VSTM2B: variants seen among roughly 807,000 people sequenced by gnomAD.
VSTM2B encodes the protein V-set and transmembrane domain-containing protein 2B.
A neutral mutation model predicts 24.0 loss-of-function variants in VSTM2B; 24 were observed. That is an observed-to-expected ratio of 1.00 (90% CI 0.72 to 1.40). The LOEUF is 1.40. Ranked by LOEUF, VSTM2B falls within the 40% of genes most tolerant of loss-of-function variation. The probability of loss-of-function intolerance (pLI) is 0.00; values close to 1 mark genes in which losing one functional copy is unlikely to be tolerated. For synonymous variants in VSTM2B, 226 were observed against 194.4 expected (o/e 1.16, Z -1.35); for missense variants, 399 against 416.4 (o/e 0.96, Z 0.36).
At chr19:29,555,625 GT>G (rs1233637496) in intron 4 of VSTM2B, among the ~76,000 whole-genome samples, 1 of 151,010 alleles carries the variant, frequency 6.6e-6, no homozygotes, top group Non-Finnish European at 1.5e-5. Context: ...CCAGGAGCTA[GT>G]TTTTTGAAAA....
At chr19:29,529,056 G>T (rs1046789041) in intron 3 of VSTM2B, 1 of 985,484 alleles carries the variant, frequency 1.0e-6, no homozygotes, top group African/African-American at 1.7e-5. Context: ...GCGTAGAAAG[G>T]CCTGGAGATG....
chr19:29,563,776 T>TG, intron 4 of VSTM2B, 70 bp from the exon 5 acceptor site: 1 of 1,403,590 alleles, frequency 7.1e-7, no homozygotes, highest in Non-Finnish European at 9.9e-7. Flanking sequence ...TCACTGTTCC[T>TG]GGTCTGCTGT....
At position 29,540,448 on chromosome 19, in the gene VSTM2B, G is replaced by T. The variant is rs535300767; in HGVS notation, c.769+10158G>T. Among the ~76,000 whole-genome samples, 6 of 152,350 alleles carry T rather than the reference G, an allele frequency of 3.9e-5. No homozygotes were observed. The East Asian group carries it at 1.2e-3, about 29-fold the overall frequency. On this transcript the variant is annotated intron_variant, in intron 4 of 4. Coordinates refer to ENST00000335523, the MANE Select transcript of VSTM2B (RefSeq NM_001146339.2). ...AGTTGGGAGAAGACTTCCTGATCCT[G>T]CAGCCAAAGGAGTTTCTTTCATTCT...
chr19:29,527,190 T>A, intron 1 of VSTM2B, 21 bp from the exon 2 acceptor site: 1 of 1,539,854 alleles, frequency 6.5e-7, no homozygotes, highest in African/African-American at 1.4e-5. Flanking sequence ...GTCACGCCTC[T>A]CTCTCTCTCC....
At chr19:29,544,352 C>G (rs1276422936) in intron 4 of VSTM2B, among the ~76,000 whole-genome samples, 2 of 150,662 alleles carry the variant, frequency 1.3e-5, no homozygotes, top group Non-Finnish European at 3.0e-5. Context: ...CGGTGAAACC[C>G]CGTCTCTACT....
chr19:29,530,313 C>G, intron 4 of VSTM2B, 23 bp downstream of exon 4: 1 of 1,475,214 alleles, frequency 6.8e-7, no homozygotes, highest in Admixed American at 2.4e-5. Flanking sequence ...GGAGAGGGGG[C>G]GCACGCGCGG....
chr19:29,528,356 TG>T, intron 2 of VSTM2B, 76 bp from the exon 3 acceptor site: 2 of 1,544,856 alleles, frequency 1.3e-6, no homozygotes, highest in Non-Finnish European at 1.8e-6. Flanking sequence ...AGGGTGCCCT[TG>T]CCTAAAGGCG....
rs184960802 is a variant in VSTM2B at position 29,550,934 on chromosome 19, T to C, written c.770-12912T>C. Among the ~76,000 whole-genome samples the C allele has an allele frequency of 1.0e-3, 152 of 152,012 alleles. No homozygotes were observed. The Middle Eastern group carries it at 0.014, about 14-fold the overall frequency. On this transcript the variant is annotated intron_variant, in intron 4 of 4. Coordinates refer to ENST00000335523, the MANE Select transcript of VSTM2B (RefSeq NM_001146339.2). ...AAGGGACCTGGCCAGGCCCAAAGGATCTCAGCCCCAGTGGAGAGGGCTGCA... is the reference window on the plus strand; with the variant it reads ...AAGGGACCTGGCCAGGCCCAAAGGACCTCAGCCCCAGTGGAGAGGGCTGCA...
intron 4 of VSTM2B, among the ~76,000 whole-genome samples, chr19:29,552,215 C>A (rs1290686736): frequency 1.3e-5 from 2 of 152,232 alleles, no homozygotes; most frequent in Non-Finnish European, 2.9e-5. Flanking sequence ...GGAAGCCAGA[C>A]TTCCTTGGTC....
At chr19:29,563,619 G>C (rs1305757725) in intron 4 of VSTM2B, among the ~76,000 whole-genome samples, 1 of 152,214 alleles carries the variant, frequency 6.6e-6, no homozygotes, top group Non-Finnish European at 1.5e-5. Context: ...CCAGGCGCTT[G>C]TGTCTGATCT....
intron 2 of VSTM2B, 66 bp downstream of exon 2, chr19:29,527,461 C>CGGGGCGGCG: frequency 1.0e-5 from 14 of 1,367,782 alleles, no homozygotes; most frequent in African/African-American, 1.5e-5. Flanking sequence ...AAGGCTAACC[C>CGGGGCGGCG]AGGGAGGGAA....
At chr19:29,551,662 A>C (rs772811170) in intron 4 of VSTM2B, among the ~76,000 whole-genome samples, 1 of 152,182 alleles carries the variant, frequency 6.6e-6, no homozygotes, top group African/African-American at 2.4e-5. Context: ...TAATATAAGG[A>C]ATGAATCAGC....
chr19:29,539,342 G>A (rs909525321), intron 4 of VSTM2B, among the ~76,000 whole-genome samples: 2 of 152,090 alleles, frequency 1.3e-5, no homozygotes, highest in Non-Finnish European at 2.9e-5. Flanking sequence ...AGGGCCTTTC[G>A]GGTGGCAAGG....
chr19:29,535,358 T>A (rs1481288961), intron 4 of VSTM2B, among the ~76,000 whole-genome samples: 1 of 152,152 alleles, frequency 6.6e-6, no homozygotes, highest in Non-Finnish European at 1.5e-5. Context: ...ATGGCTGGTG[T>A]GTTGGCCAGA....
chr19:29,563,877 C>G lies in VSTM2B; in HGVS notation c.801C>G (p.Leu267=). The change falls in exon 5 of 5, where the codon CTC becomes CTG. Residue 267 remains leucine, a synonymous_variant. Transcript: ENST00000335523. ...GCCGTAGCTACACCACAGACCCACT[C>G]TTGTCCCTGCTCCTGTTAGCTCTGC... ...GTGRSYTTDP[L]LSLLLLALHK... is the part of the protein sequence containing the mutation. 1 of 1,552,372 alleles carries G rather than the reference C, an allele frequency of 6.4e-7. No individual in the cohort carries two copies. The highest frequency in any genetic ancestry group is 8.7e-7 in the Non-Finnish European group (1 of 1,147,132).
intron 4 of VSTM2B, among the ~76,000 whole-genome samples, chr19:29,541,008 G>T (rs1445048496): frequency 6.6e-6 from 1 of 152,206 alleles, no homozygotes; most frequent in African/African-American, 2.4e-5. Context: ...ATGTGCAAAG[G>T]TCCTGCGGCA....
chr19:29,561,101 C>T (rs980353379), intron 4 of VSTM2B, among the ~76,000 whole-genome samples: 4 of 152,062 alleles, frequency 2.6e-5, no homozygotes, highest in African/African-American at 9.7e-5. Flanking sequence ...CACTTGAGGT[C>T]AGAAGTTTGA....
In VSTM2B at chr19:29,549,563, C is replaced by T. The variant is rs550839531; in HGVS notation, c.770-14283C>T. On this transcript the variant is annotated intron_variant, in intron 4 of 4. Coordinates refer to ENST00000335523, the MANE Select transcript of VSTM2B (RefSeq NM_001146339.2). ...GCCCCAAGGCTGCTCTAGGAGACCC[C>T]AGACACTGGCCCCAATGCTGCCCCA... 3.3e-5 allele frequency among the ~76,000 whole-genome samples: 5 copies of T among 151,494 alleles called. No individual in the cohort carries two copies. The South Asian group carries it at 1.0e-3, about 32-fold the overall frequency.
At chr19:29,527,130 G>A (rs1969596988) in intron 1 of VSTM2B, 81 bp from the exon 2 acceptor site, 5 of 1,300,390 alleles carry the variant, frequency 3.8e-6, no homozygotes, top group Non-Finnish European at 5.3e-6. Context: ...CAGCCAGCCA[G>A]AGACCGACTG....
Sources: allele counts gnomAD v4.1 joint callset (sites outside exome capture counted in the v4.1 genomes callset), GRCh38; gene constraint gnomAD v4.1.1; transcripts MANE v1.5; gene names NCBI Gene and HGNC (gene_info 2026-07-23, HGNC 2026-07-21).